The following PUS3 variants were observed in gnomAD, a reference collection of about 807,000 sequenced individuals.
PUS3 encodes the protein pseudouridine synthase 3, also known as tRNA pseudouridine(38/39) synthase.
Under a neutral mutation model 43.3 loss-of-function variants are expected in PUS3, and 36 were observed. The ratio of observed to expected loss-of-function variants is 0.83; its 90% CI spans 0.64 to 1.10. The LOEUF (loss-of-function observed/expected upper bound fraction) is 1.10, where lower values mean the gene tolerates loss of function less well. Ranked by LOEUF, PUS3 falls within the 50% of genes least tolerant of loss-of-function variation. The pLI is 0.00. For missense variants in PUS3, 544 were observed against 589.9 expected, an observed-to-expected ratio of 0.92 and a Z score of 0.81; for synonymous variants, 183 against 199.2, an observed-to-expected ratio of 0.92 and a Z score of 0.69.
intron 1 of PUS3, among the ~76,000 whole-genome samples, chr11:125,901,190 GTTTT>G (rs1454361077): frequency 6.6e-6 from 1 of 152,010 alleles, no homozygotes; most frequent in Non-Finnish European, 1.5e-5. Flanking sequence ...ATTCAAACTT[GTTTT>G]ATTTCAGAAT....
At chr11:125,902,655 A>G (rs1944812018) in intron 1 of PUS3, among the ~76,000 whole-genome samples, 1 of 151,996 alleles carries the variant, frequency 6.6e-6, no homozygotes, top group Non-Finnish European at 1.5e-5. Flanking sequence ...ACACATAAAT[A>G]GCATTCCTCT....
chr11:125,901,250 ATTCTTTTTAT>A (rs1211601813), intron 1 of PUS3, among the ~76,000 whole-genome samples: 1 of 152,224 alleles, frequency 6.6e-6, no homozygotes, highest in African/African-American at 2.4e-5. Context: ...CTGGAATACC[ATTCTTTTTAT>A]AATTTGCCCC....
chr11:125,899,261 G>A, intron 1 of PUS3: 1 of 926,904 alleles, frequency 1.1e-6, no homozygotes, highest in Non-Finnish European at 1.7e-6. Context: ...CCATTTGACT[G>A]CTATAAAACG....
At chr11:125,900,126 C>T in intron 1 of PUS3, 1 of 1,614,142 alleles carries the variant, frequency 6.2e-7, no homozygotes, top group Non-Finnish European at 8.5e-7. Context: ...GAACCCCAAT[C>T]CAAACCTCAG....
intron 1 of PUS3, chr11:125,899,440 T>C (rs1944690975): frequency 1.2e-6 from 2 of 1,614,094 alleles, no homozygotes; most frequent in Non-Finnish European, 8.5e-7. Context: ...TGGCAGCTGC[T>C]ACAGCTTTTA....
Position 125,893,638 on chromosome 11 carries a change from T to G in PUS3, c.*147A>C, listed in dbSNP as rs979393687. 1 of 634,378 alleles carries G rather than the reference T, an allele frequency of 1.6e-6. No homozygotes were observed. Among genetic ancestry groups the G allele is most frequent in the African/African-American group, 1.9e-5 (1 of 52,354 alleles). 39.3% of individuals were successfully genotyped at this position (634,378 alleles called of 1,614,324 possible). Reference sequence around the variant, plus strand: ...ATTTCTTATTAAAGCAATAACTTCCTTAATAGGGCTTTAGTCTTTTTGCTT... The same window carrying G: ...ATTTCTTATTAAAGCAATAACTTCCGTAATAGGGCTTTAGTCTTTTTGCTT... On this transcript the variant is annotated 3_prime_UTR_variant, in exon 4 of 4. Coordinates refer to ENST00000227474, the MANE Select transcript of PUS3 (RefSeq NM_031307.4).
chr11:125,894,222 C>A lies in PUS3; in HGVS notation c.1009G>T (p.Asp337Tyr). 6.2e-7 allele frequency: 1 copy of A among 1,613,398 alleles called. No individual in the cohort carries two copies. Among genetic ancestry groups the A allele is most frequent in the South Asian group, 1.1e-5 (1 of 91,028 alleles). Residue 337 changes from aspartate to tyrosine, a missense_variant, in exon 4 of 4, where the codon GAC (aspartate) becomes TAC (tyrosine). By Grantham distance (160) the Asp-to-Tyr change is radical (BLOSUM62 -3). Transcript: ENST00000227474. ...ATATTGAACTCCTGAGCCTCCTGGT[C>A]ATAGATCCACTTGACATTTTCAAAC... ...CKFENVKWIYDQEAQEFNITH... is the reference protein window; with the variant it reads ...CKFENVKWIYYQEAQEFNITH...
rs765439953 is a variant in PUS3, at chr11:125,899,799, A to C, written c.-47+3371T>G. 6.8e-6 allele frequency: 11 copies of C among 1,614,056 alleles called. No individual in the cohort carries two copies. The African/African-American group carries it at 1.2e-4, about 18-fold the overall frequency. On this transcript the variant is annotated intron_variant, in intron 1 of 3. Transcript: ENST00000227474. ...ATGAATGTACAGTTCCAGGAAGACA[A>C]GGAATCTTCATTTGATGTTTCACAA... is the stretch of plus-strand genomic sequence containing the variant.
Position 125,896,093 on chromosome 11 carries a change from G to A in PUS3, c.192C>T (p.His64=), listed in dbSNP as rs1254985695. Residue 64 remains histidine, a synonymous_variant, in exon 2 of 4, where the codon CAC becomes CAT. Coordinates refer to ENST00000227474, the MANE Select transcript of PUS3 (RefSeq NM_031307.4). ...CCATATAGGCTATTCTTAGGGCTAC[G>A]TGTCTTCGGCCATGAGCACTGAAAT... is the stretch of plus-strand genomic sequence containing the variant. The part of the protein sequence containing the change: ...AFDFSAHGRR[H]VALRIAYMGW... 10 of 1,614,146 alleles carry A rather than the reference G, an allele frequency of 6.2e-6. No individual in the cohort carries two copies. Among genetic ancestry groups the A allele is most frequent in the South Asian group, 1.1e-5 (1 of 91,086 alleles).
In PUS3 at chr11:125,893,879, C is replaced by T. The variant is rs562248119; in HGVS notation, c.1352G>A (p.Arg451Lys). Residue 451 changes from arginine (R) to lysine (K), a missense_variant, in exon 4 of 4, where the codon AGG becomes AAG. By Grantham distance (26) the Arg-to-Lys change is conservative. Transcript: ENST00000227474. ...TTCCTCTAGTGTGTCATTACAGTCC[C>T]TTTTGGCTTTTGTTTCTTCCTCATG... is the stretch of plus-strand genomic sequence containing the variant. ...LFHEEETKAK[R>K]DCNDTLEEEN... is the part of the protein sequence containing the mutation. 1.2e-5 allele frequency: 19 copies of T among 1,614,094 alleles called. No homozygotes were observed. The East Asian group carries it at 4.0e-4, about 34-fold the overall frequency.
chr11:125,899,629 A>C, intron 1 of PUS3: 1 of 1,614,156 alleles, frequency 6.2e-7, no homozygotes. Context: ...AGGCCTCCCA[A>C]AGACTCCGAA....
At position 125,893,722 on chromosome 11, in the gene PUS3, T is replaced by C. The variant is rs1944479517; in HGVS notation, c.*63A>G. ...CCTAGTACTTGCAAGTAAATTTTTTTTTTTTTCCTTTTCTGTCCACCTACC... is the reference window on the plus strand; with the variant it reads ...CCTAGTACTTGCAAGTAAATTTTTTCTTTTTTCCTTTTCTGTCCACCTACC... On this transcript the variant is annotated 3_prime_UTR_variant, in exon 4 of 4. Transcript: ENST00000227474. 4.3e-6 allele frequency: 6 copies of C among 1,406,770 alleles called. No individual in the cohort carries two copies. The African/African-American group carries it at 7.2e-5, about 17-fold the overall frequency. 87.1% of individuals were successfully genotyped at this position (1,406,770 alleles called of 1,614,324 possible). A position where few individuals can be genotyped will look rare whatever the true frequency, so the allele number is the denominator to read the frequency against.
chr11:125,896,986 A>G (rs1158600192), intron 1 of PUS3, among the ~76,000 whole-genome samples: 1 of 152,234 alleles, frequency 6.6e-6, no homozygotes, highest in African/African-American at 2.4e-5. Flanking sequence ...AATTAAATGC[A>G]TATTTTGATA....
chr11:125,901,878 TAC>T (rs1204346618), intron 1 of PUS3, among the ~76,000 whole-genome samples: 8 of 152,180 alleles, frequency 5.3e-5, no homozygotes, highest in African/African-American at 1.9e-4. Flanking sequence ...ATGATCTCAG[TAC>T]ACACAGGGAA....
intron 1 of PUS3, chr11:125,900,976 A>C (rs1944755122): frequency 6.9e-6 from 1 of 144,892 alleles, no homozygotes; most frequent in Non-Finnish European, 1.5e-5. Context: ...GCGCCACTGC[A>C]CTCCAGCCTG....
At position 125,893,520 on chromosome 11, in the gene PUS3, A is replaced by G; in HGVS notation, c.*265T>C. 3.3e-6 allele frequency: 1 copy of G among 304,500 alleles called. No homozygotes were observed. Among genetic ancestry groups the G allele is most frequent in the Non-Finnish European group, 6.0e-6 (1 of 167,358 alleles). The allele number at this position is 304,500 out of a possible 1,614,324, so 18.9% of individuals were successfully genotyped here. On this transcript the variant is annotated 3_prime_UTR_variant, in exon 4 of 4. Coordinates refer to ENST00000227474, the MANE Select transcript of PUS3 (RefSeq NM_031307.4). ...ATTAGGCTTTAATGAATTTGAATAC[A>G]AGGCACAGGTTTCCAGGTGTATGTA...
intron 1 of PUS3, among the ~76,000 whole-genome samples, chr11:125,901,931 T>A (rs925434394): frequency 7.9e-5 from 12 of 152,206 alleles, no homozygotes; most frequent in African/African-American, 2.7e-4. Flanking sequence ...AGGTAATTTG[T>A]ATTTATACCT....
In PUS3 at chr11:125,896,222, C is replaced by T. The variant is rs1039671217; in HGVS notation, c.63G>A (p.Leu21=). ...TEKLLKRVRE[L]EQEVQRLKKE... ...TTTTAAGTCTTTGCACCTCTTGCTC[C>T]AGTTCTCGTACTCTTTTTAGGAGCT... The change falls in exon 2 of 4, where the codon CTG becomes CTA. Residue 21 remains leucine, a synonymous_variant. Transcript: ENST00000227474. The T allele has an allele frequency of 5.6e-6, 9 of 1,614,060 alleles. No homozygotes were observed. The highest frequency in any genetic ancestry group is 4.5e-5 in the East Asian group (2 of 44,868).
In PUS3 at chr11:125,903,204, A is replaced by G. The variant is rs1269650462; in HGVS notation, c.-81T>C. 1 of 985,338 alleles carries G rather than the reference A, an allele frequency of 1.0e-6. No individual in the cohort carries two copies. The highest frequency in any genetic ancestry group is 1.7e-5 in the African/African-American group (1 of 57,246). 61.0% of individuals were successfully genotyped at this position (985,338 alleles called of 1,614,324 possible). ...GCCGGCCGCGCCGCGTTTCCGAGAAAGGAAGCTGTCACTGTGCGTCTTCTG... is the reference window on the plus strand; with the variant it reads ...GCCGGCCGCGCCGCGTTTCCGAGAAGGGAAGCTGTCACTGTGCGTCTTCTG... On this transcript the variant is annotated 5_prime_UTR_variant, in exon 1 of 4. Coordinates refer to ENST00000227474, the MANE Select transcript of PUS3 (RefSeq NM_031307.4).
Sources: gnomAD v4.1 joint callset for allele counts (sites outside exome capture counted in the v4.1 genomes callset) on GRCh38, gnomAD v4.1.1 for gene constraint, MANE v1.5 for transcripts, NCBI Gene and HGNC (gene_info 2026-07-23, HGNC 2026-07-21) for gene names.